NAPA: variants seen among roughly 807,000 people sequenced by gnomAD.
The protein encoded by NAPA is NSF attachment protein alpha.
In NAPA, 18 loss-of-function variants were observed where a neutral mutation model predicts 48.0. The observed-to-expected ratio is 0.38, with a 90% CI of 0.26 to 0.56. The LOEUF is 0.56. Among genes scored for constraint, NAPA ranks in the 20% least tolerant of loss-of-function variants. The probability of loss-of-function intolerance (pLI) is 0.77; values close to 1 mark genes in which losing one functional copy is unlikely to be tolerated. For synonymous variants in NAPA, 152 were observed against 149.9 expected, an observed-to-expected ratio of 1.01 and a Z score of -0.10; for missense variants, 315 against 385.0, an observed-to-expected ratio of 0.82 and a Z score of 1.52.
intron 7 of NAPA, 190 bp downstream of exon 7, chr19:47,492,771 G>A: frequency 1.4e-6 from 1 of 702,302 alleles, no homozygotes; most frequent in Admixed American, 2.0e-5. Context: ...GCACGGCATG[G>A]AGTCGTAGGT....
intron 1 of NAPA, chr19:47,507,016 TAAC>T (rs762365824): frequency 6.6e-6 from 1 of 152,268 alleles, no homozygotes; most frequent in African/African-American, 2.4e-5. Context: ...TGCCAGGAGA[TAAC>T]AACAGTACAC....
intron 1 of NAPA, among the ~76,000 whole-genome samples, chr19:47,505,988 T>G (rs1367431291): frequency 6.7e-6 from 1 of 148,736 alleles, no homozygotes; most frequent in African/African-American, 2.5e-5. Context: ...TTGTTTGGAG[T>G]GACTTCTTTT....
chr19:47,493,053 G>A lies in NAPA; in HGVS notation c.477-8C>T, dbSNP rs1488100243. On this transcript the variant is annotated splice_polypyrimidine_tract_variant and splice_region_variant and intron_variant, in intron 6 of 10. Coordinates refer to ENST00000263354, the MANE Select transcript of NAPA (RefSeq NM_003827.4). The surrounding 1 kb of genome is among the most constrained non-coding windows in gnomAD (Gnocchi z 6.4). Reference sequence around the variant, plus strand: ...AGACACTTGTTGGCTGAGCTGTGTGGGGAGGAGTAGTGAGGGGAAGTGGTG... The same window carrying A: ...AGACACTTGTTGGCTGAGCTGTGTGAGGAGGAGTAGTGAGGGGAAGTGGTG... 2 of 1,614,190 alleles carry A rather than the reference G, an allele frequency of 1.2e-6. No homozygotes were observed. The highest frequency in any genetic ancestry group is 2.2e-5 in the South Asian group (2 of 91,086).
intron 2 of NAPA, among the ~76,000 whole-genome samples, chr19:47,502,332 G>A (rs1968598049): frequency 6.6e-6 from 1 of 151,710 alleles, no homozygotes; most frequent in Non-Finnish European, 1.5e-5. Context: ...AGAGTTTGGG[G>A]GCAGAGGTAA....
At chr19:47,497,520 C>T (rs1420227139) in intron 3 of NAPA, 2 of 152,440 alleles carry the variant, frequency 1.3e-5, no homozygotes, top group Non-Finnish European at 2.9e-5. Context: ...GACTGCTACT[C>T]TTATCTCAGG....
intron 8 of NAPA, 198 bp from the exon 9 acceptor site, chr19:47,491,054 A>G (rs1968252702): frequency 1.9e-6 from 1 of 515,428 alleles, no homozygotes; most frequent in Non-Finnish European, 3.5e-6. Flanking sequence ...CTGGCTGCAG[A>G]GATGGCTGCA....
chr19:47,509,594 G>A (rs1438962484), intron 1 of NAPA, among the ~76,000 whole-genome samples: 1 of 152,166 alleles, frequency 6.6e-6, no homozygotes, highest in Non-Finnish European at 1.5e-5. Flanking sequence ...GCCCCGCAGA[G>A]GACCGATTCC....
intron 1 of NAPA, among the ~76,000 whole-genome samples, chr19:47,509,815 G>T (rs1402287694): frequency 6.6e-6 from 1 of 152,128 alleles, no homozygotes; most frequent in Non-Finnish European, 1.5e-5. Context: ...CCTGGCAGGC[G>T]CCCTGTTTCT....
intron 2 of NAPA, among the ~76,000 whole-genome samples, chr19:47,503,132 A>G (rs927645257): frequency 2.6e-5 from 4 of 152,236 alleles, no homozygotes; most frequent in Non-Finnish European, 5.9e-5. Flanking sequence ...GGAAACCTGA[A>G]GTTCTGAATT....
At chr19:47,504,674 C>CATGTGTATATATGTGT (rs1405242326) in intron 1 of NAPA, among the ~76,000 whole-genome samples, 1 of 151,618 alleles carries the variant, frequency 6.6e-6, no homozygotes, top group African/African-American at 2.4e-5. Flanking sequence ...CATATATACA[C>CATGTGTATATATGTGT]ATGTGTATAT....
chr19:47,495,864 G>A, intron 3 of NAPA: 1 of 476,936 alleles, frequency 2.1e-6, no homozygotes, highest in South Asian at 2.1e-5. Flanking sequence ...TCCTCGGGCT[G>A]CCAGGATGCT....
chr19:47,514,153 C>T (rs375990979), intron 1 of NAPA, among the ~76,000 whole-genome samples: 1 of 151,966 alleles, frequency 6.6e-6, no homozygotes, highest in East Asian at 1.9e-4. Flanking sequence ...ATCCCGGGTT[C>T]CTCCGTTCAG....
chr19:47,494,727 C>T (rs1326608773), intron 4 of NAPA, among the ~76,000 whole-genome samples: 2 of 114,432 alleles, frequency 1.7e-5, no homozygotes, highest in African/African-American at 6.4e-5. Context: ...GAGAGAGAAA[C>T]TCTGTCTCAA....
chr19:47,511,394 C>A (rs1599921235), intron 1 of NAPA, among the ~76,000 whole-genome samples: 1 of 152,210 alleles, frequency 6.6e-6, no homozygotes, highest in South Asian at 2.1e-4. Flanking sequence ...TCTGCCCTAA[C>A]CTCACTCATA....
Position 47,488,097 on chromosome 19 carries a change from C to A in NAPA, c.*191G>T. The A allele has an allele frequency of 1.8e-6, 1 of 570,628 alleles. No individual in the cohort carries two copies. The highest frequency in any genetic ancestry group is 2.1e-5 in the South Asian group (1 of 48,494). The allele number at this position is 570,628 out of a possible 1,614,324, so 35.3% of individuals were successfully genotyped here. A position where few individuals can be genotyped will look rare whatever the true frequency, so the allele number is the denominator to read the frequency against. The stretch of plus-strand genomic sequence containing the variant: ...CAGGGGGCAAGGGATGTAGCGAGAA[C>A]AGAGGGTGACTGTCCGGCCAGCAGC... On this transcript the variant is annotated 3_prime_UTR_variant, in exon 11 of 11. Transcript: ENST00000263354.
chr19:47,503,626 C>A, intron 1 of NAPA, 124 bp from the exon 2 acceptor site: 1 of 890,332 alleles, frequency 1.1e-6, no homozygotes, highest in South Asian at 1.4e-5. Flanking sequence ...GTGAAGCCAG[C>A]TTCCCCCAGG....
At chr19:47,508,594 G>A (rs1484659303) in intron 1 of NAPA, among the ~76,000 whole-genome samples, 4 of 152,120 alleles carry the variant, frequency 2.6e-5, no homozygotes, top group African/African-American at 9.7e-5. Flanking sequence ...ATGACTTTGG[G>A]GTGGCGAGAC....
intron 8 of NAPA, 73 bp from the exon 9 acceptor site, chr19:47,490,929 G>A (rs1968249064): frequency 7.4e-7 from 1 of 1,344,302 alleles, no homozygotes; most frequent in Admixed American, 1.9e-5. Context: ...AGCAGCTGAG[G>A]GGACTTGGGG....
chr19:47,493,744 C>T lies in NAPA; in HGVS notation c.343-251G>A, dbSNP rs1599897915. ...GGACAAGCCACTCCAGGGCCTTAGC[C>T]TAATTCCATCCCATCCACGAGGGCA... On this transcript the variant is annotated intron_variant, in intron 4 of 10. Coordinates refer to ENST00000263354, the MANE Select transcript of NAPA (RefSeq NM_003827.4). This position sits in a 1 kb window ranked among gnomAD's most constrained non-coding sequence, Gnocchi z 6.4. 2 of 522,106 alleles carry T rather than the reference C, an allele frequency of 3.8e-6. No homozygotes were observed. The highest frequency in any genetic ancestry group is 1.0e-3 in the Middle Eastern group (2 of 1,930). The allele number at this position is 522,106 out of a possible 1,614,324, so 32.3% of individuals were successfully genotyped here. A position where few individuals can be genotyped will look rare whatever the true frequency, so the allele number is the denominator to read the frequency against.
Sources: allele counts gnomAD v4.1 joint callset (sites outside exome capture counted in the v4.1 genomes callset), GRCh38; gene constraint gnomAD v4.1.1; non-coding constraint Gnocchi (gnomAD v3.1); transcripts MANE v1.5; gene names NCBI Gene and HGNC (gene_info 2026-07-23, HGNC 2026-07-21).